Variants in FREM1 observed in about 807,000 individuals in gnomAD.
The protein encoded by FREM1 is FRAS1-related extracellular matrix protein 1.
A neutral mutation model predicts 210.1 loss-of-function variants in FREM1; 220 were observed. That is an observed-to-expected ratio of 1.05 (90% CI 0.94 to 1.17). The LOEUF is 1.17. FREM1 is among the 50% of genes most tolerant of loss of function. FREM1 has a pLI of 0.00. For missense variants in FREM1, 3,454 were observed against 2,675.5 expected, an observed-to-expected ratio of 1.29 and a Z score of -6.42; for synonymous variants, 1,189 against 980.2, an observed-to-expected ratio of 1.21 and a Z score of -3.98.
At chr9:14,908,215 G>A (rs1167335506) in intron 1 of FREM1, among the ~76,000 whole-genome samples, 1 of 152,138 alleles carries the variant, frequency 6.6e-6, no homozygotes, top group Non-Finnish European at 1.5e-5. Context: ...CACCATGGAA[G>A]AATCATTTTC....
intron 1 of FREM1, among the ~76,000 whole-genome samples, chr9:14,875,108 C>T (rs1833447421): frequency 6.6e-6 from 1 of 152,112 alleles, no homozygotes; most frequent in Non-Finnish European, 1.5e-5. Context: ...ACATTTTTTC[C>T]TTCATGTCAA....
At chr9:14,873,897 C>T (rs1833198753) in intron 1 of FREM1, among the ~76,000 whole-genome samples, 1 of 152,120 alleles carries the variant, frequency 6.6e-6, no homozygotes, top group African/African-American at 2.4e-5. Context: ...CAAAGAACAT[C>T]TTTATTTCTG....
chr9:14,800,924 TATATATTTATG>T (rs1460755546), intron 20 of FREM1, among the ~76,000 whole-genome samples: 1 of 152,238 alleles, frequency 6.6e-6, no homozygotes, highest in African/African-American at 2.4e-5. Context: ...ATAAACATTG[TATATATTTATG>T]ATATATAATG....
intron 13 of FREM1, 33 bp downstream of exon 13, chr9:14,823,127 C>T: frequency 6.6e-7 from 1 of 1,524,402 alleles, no homozygotes; most frequent in Non-Finnish European, 8.9e-7. Context: ...TCTTTTCCTC[C>T]TTTTCATCCT....
intron 27 of FREM1, among the ~76,000 whole-genome samples, chr9:14,765,552 A>C (rs1462803067): frequency 6.6e-6 from 1 of 152,162 alleles, no homozygotes; most frequent in Non-Finnish European, 1.5e-5. Context: ...GTGCTTTCCT[A>C]AGATCTAGTC....
chr9:14,826,197 T>C (rs1030909931), intron 10 of FREM1, among the ~76,000 whole-genome samples: 15 of 148,724 alleles, frequency 1.0e-4, no homozygotes, highest in African/African-American at 3.7e-4. Context: ...GTTCACACCA[T>C]TCTCCTGCCT....
At chr9:14,825,528 T>C (rs1450143872) in intron 10 of FREM1, among the ~76,000 whole-genome samples, 3 of 47,528 alleles carry the variant, frequency 6.3e-5, no homozygotes, top group East Asian at 3.3e-3. Flanking sequence ...CATACATATA[T>C]ATATATATGT....
chr9:14,834,792 T>A (rs1474359798), intron 10 of FREM1, among the ~76,000 whole-genome samples: 1 of 152,204 alleles, frequency 6.6e-6, no homozygotes, highest in Non-Finnish European at 1.5e-5. Context: ...AAAAATTGTA[T>A]GGGTTTTCTA....
chr9:14,876,276 C>A (rs1833718180), intron 1 of FREM1, among the ~76,000 whole-genome samples: 1 of 152,182 alleles, frequency 6.6e-6, no homozygotes, highest in African/African-American at 2.4e-5. Context: ...GCCCTGCCCC[C>A]AGAGGTGGAG....
chr9:14,860,654 C>CATATAT (rs1829763063), intron 3 of FREM1, among the ~76,000 whole-genome samples: 1 of 138,142 alleles, frequency 7.2e-6, no homozygotes, highest in African/African-American at 2.8e-5. Context: ...TACATATATA[C>CATATAT]ACATATATAC....
Position 14,776,175 on chromosome 9 carries a change from C to T in FREM1, c.4471G>A (p.Glu1491Lys), listed in dbSNP as rs190325959. Residue 1491 changes from glutamate (E) to lysine (K), a missense_variant, in exon 25 of 37, where the codon GAG becomes AAG. Glu to Lys is a moderately conservative substitution (Grantham distance 56). Coordinates refer to ENST00000380880, the MANE Select transcript of FREM1 (RefSeq NM_001379081.2). ...RFIISNGLRT[E>K]HGVFEITLET... is the part of the protein sequence containing the mutation. Reference sequence around the variant, plus strand: ...AGTGTGATCTCAAACACCCCGTGCTCGGTCCGCAGTCCATTGCTGATGATG... The same window carrying T: ...AGTGTGATCTCAAACACCCCGTGCTTGGTCCGCAGTCCATTGCTGATGATG... The T allele has an allele frequency of 4.2e-5, 65 of 1,537,946 alleles. No homozygotes were observed. The highest frequency in any genetic ancestry group is 1.9e-4 in the African/African-American group (14 of 72,870).
At chr9:14,899,777 G>A (rs1838448737) in intron 1 of FREM1, among the ~76,000 whole-genome samples, 1 of 152,200 alleles carries the variant, frequency 6.6e-6, no homozygotes, top group African/African-American at 2.4e-5. Context: ...CAGATAGGCT[G>A]ACAAATACAG....
chr9:14,878,048 T>C (rs1834099252), intron 1 of FREM1, among the ~76,000 whole-genome samples: 1 of 152,240 alleles, frequency 6.6e-6, no homozygotes, highest in South Asian at 2.1e-4. Flanking sequence ...TTGATCTCCC[T>C]ACTTCTACTC....
intron 1 of FREM1, among the ~76,000 whole-genome samples, chr9:14,880,003 G>C (rs1834504437): frequency 6.6e-6 from 1 of 152,156 alleles, no homozygotes; most frequent in South Asian, 2.1e-4. Flanking sequence ...GGGATTAGGA[G>C]GTAGGGCCTT....
intron 27 of FREM1, among the ~76,000 whole-genome samples, chr9:14,763,623 G>T (rs1023262725): frequency 1.3e-5 from 2 of 152,182 alleles, no homozygotes; most frequent in Admixed American, 1.3e-4. Flanking sequence ...GAGGCTTCAG[G>T]TCCCTCTGTC....
At chr9:14,868,508 T>G (rs1274935559) in intron 2 of FREM1, among the ~76,000 whole-genome samples, 1 of 152,240 alleles carries the variant, frequency 6.6e-6, no homozygotes. Flanking sequence ...GGTTTCAGGC[T>G]TGTAATCTGA....
rs1832099585 is a variant in FREM1, at chr9:14,869,067, AG to A, written c.-91del. The A allele has an allele frequency of 2.4e-6, 2 of 829,948 alleles. No individual in the cohort carries two copies. Among genetic ancestry groups the A allele is most frequent in the Non-Finnish European group, 1.8e-6 (1 of 543,192 alleles). The allele number at this position is 829,948 out of a possible 1,614,324, so 51.4% of individuals were successfully genotyped here. The stretch of plus-strand genomic sequence containing the variant: ...GCTTCCTCCTGGAGGGTCAGCTCAT[AG>A]TCCAAGGGGCAGGGTGAGGGGTCCT... On this transcript the variant is annotated 5_prime_UTR_variant, in exon 2 of 37. An upstream open reading frame in the 5' UTR loses its in-frame stop. Transcript: ENST00000380880.
intron 26 of FREM1, 146 bp downstream of exon 26, chr9:14,770,459 A>G: frequency 1.6e-6 from 1 of 616,350 alleles, no homozygotes; most frequent in Non-Finnish European, 2.8e-6. Flanking sequence ...CCTCTTTAGG[A>G]GCAATATTGA....
At position 14,861,278 on chromosome 9, in the gene FREM1, CATATAT is replaced by C. The variant is rs1247528071; in HGVS notation, c.330-1800_330-1795del. Among the ~76,000 whole-genome samples, 11 of 78,588 alleles carry C rather than the reference CATATAT, an allele frequency of 1.4e-4. 2 individuals are homozygous for C. Among genetic ancestry groups the C allele is most frequent in the African/African-American group, 7.5e-4 (10 of 13,320 alleles). 51.6% of individuals were successfully genotyped at this position (78,588 alleles called of 152,430 possible). ...ATATATACACATATACACATATATACATATATACATATATACATATATACACATATA... is the reference window on the plus strand; with the variant it reads ...ATATATACACATATACACATATATACACATATATACATATATACACATATA... On this transcript the variant is annotated intron_variant, in intron 3 of 36. Coordinates refer to ENST00000380880, the MANE Select transcript of FREM1 (RefSeq NM_001379081.2).
Sources: gnomAD v4.1 joint callset for allele counts (sites outside exome capture counted in the v4.1 genomes callset) on GRCh38, gnomAD v4.1.1 for gene constraint, MANE v1.5 for transcripts, NCBI Gene and HGNC (gene_info 2026-07-23, HGNC 2026-07-21) for gene names.